Variants in NCAM2 observed in about 807,000 individuals in gnomAD.
NCAM2 encodes neural cell adhesion molecule 2.
Under a neutral mutation model 98.1 loss-of-function variants are expected in NCAM2, and 30 were observed. The observed-to-expected ratio is 0.31, with a 90% CI of 0.23 to 0.41. The LOEUF is 0.41. Among genes scored for constraint, NCAM2 ranks in the 10% least tolerant of loss-of-function variants. NCAM2 has a pLI of 1.00. For synonymous variants in NCAM2, 368 were observed against 342.4 expected (o/e 1.07, Z -0.83); for missense variants, 867 against 1,005.8 (o/e 0.86, Z 1.87).
intron 1 of NCAM2, among the ~76,000 whole-genome samples, chr21:21,106,844 ATTG>A (rs2066359503): frequency 6.6e-6 from 1 of 152,204 alleles, no homozygotes; most frequent in African/African-American, 2.4e-5. Context: ...TGTTTTAAAA[ATTG>A]TTAACATGAT....
intron 1 of NCAM2, among the ~76,000 whole-genome samples, chr21:21,135,882 T>G (rs888354473): frequency 6.6e-6 from 1 of 152,172 alleles, no homozygotes; most frequent in Non-Finnish European, 1.5e-5. Context: ...TCCCAGCCCT[T>G]CCTAGGAGTT....
chr21:21,313,124 C>G (rs1412279101), intron 5 of NCAM2, among the ~76,000 whole-genome samples: 2 of 151,724 alleles, frequency 1.3e-5, no homozygotes, highest in South Asian at 4.1e-4. Context: ...TTTTTTCATC[C>G]TGAGTCTTGC....
intron 1 of NCAM2, among the ~76,000 whole-genome samples, chr21:21,252,273 C>G (rs889855289): frequency 6.9e-4 from 10 of 14,572 alleles, no homozygotes; most frequent in Non-Finnish European, 9.8e-4. Flanking sequence ...TAGAATTATT[C>G]TTAACAAGAT....
At chr21:21,164,438 G>T (rs2146800700) in intron 1 of NCAM2, among the ~76,000 whole-genome samples, 1 of 152,212 alleles carries the variant, frequency 6.6e-6, no homozygotes, top group South Asian at 2.1e-4. Flanking sequence ...CAAGATATTT[G>T]CAAAGAAGAA....
intron 1 of NCAM2, among the ~76,000 whole-genome samples, chr21:21,052,194 G>A (rs1032745258): frequency 8.5e-6 from 1 of 117,164 alleles, no homozygotes; most frequent in African/African-American, 3.6e-5. Context: ...GTCTCGCTCT[G>A]TCGCCCAGGC....
chr21:21,454,935 T>A (rs1489144772), intron 12 of NCAM2, among the ~76,000 whole-genome samples: 1 of 151,966 alleles, frequency 6.6e-6, no homozygotes, highest in Non-Finnish European at 1.5e-5. Flanking sequence ...AGTACCATTA[T>A]TTGCATTCTC....
chr21:21,496,877 C>T (rs947414850), intron 15 of NCAM2, among the ~76,000 whole-genome samples: 14 of 152,120 alleles, frequency 9.2e-5, no homozygotes, highest in African/African-American at 3.4e-4. Context: ...AGAGTTATTT[C>T]CCCCTTACCT....
chr21:21,177,153 A>G (rs1569112354), intron 1 of NCAM2, among the ~76,000 whole-genome samples: 1 of 152,118 alleles, frequency 6.6e-6, no homozygotes, highest in Non-Finnish European at 1.5e-5. Flanking sequence ...TTTTTATTCA[A>G]GAAATCTTTA....
chr21:21,456,838 G>T (rs1196619740), intron 12 of NCAM2, among the ~76,000 whole-genome samples: 1 of 152,128 alleles, frequency 6.6e-6, no homozygotes, highest in Non-Finnish European at 1.5e-5. Flanking sequence ...CTACATCTAT[G>T]TGAGGGTGGA....
chr21:21,193,837 A>G (rs2068910138), intron 1 of NCAM2, among the ~76,000 whole-genome samples: 1 of 152,082 alleles, frequency 6.6e-6, no homozygotes, highest in Non-Finnish European at 1.5e-5. Flanking sequence ...CTATTGAGAA[A>G]TTCCCAACAT....
At chr21:21,064,905 C>T (rs1284774280) in intron 1 of NCAM2, among the ~76,000 whole-genome samples, 4 of 152,066 alleles carry the variant, frequency 2.6e-5, no homozygotes, top group African/African-American at 7.2e-5. Context: ...CAAGGGTGGG[C>T]GCAGTGGCTC....
At chr21:21,070,919 A>G (rs2146363179) in intron 1 of NCAM2, among the ~76,000 whole-genome samples, 1 of 152,318 alleles carries the variant, frequency 6.6e-6, no homozygotes, top group Non-Finnish European at 1.5e-5. Context: ...ATAATTTGAA[A>G]TGCCTCTAGG....
At chr21:21,247,233 G>A (rs1384064427) in intron 1 of NCAM2, among the ~76,000 whole-genome samples, 1 of 151,976 alleles carries the variant, frequency 6.6e-6, no homozygotes, top group Non-Finnish European at 1.5e-5. Flanking sequence ...GCAGGAGAAT[G>A]GCGTGAACCC....
At chr21:21,193,947 A>T (rs2068915146) in intron 1 of NCAM2, among the ~76,000 whole-genome samples, 1 of 152,172 alleles carries the variant, frequency 6.6e-6, no homozygotes, top group Non-Finnish European at 1.5e-5. Context: ...AATCTTGATG[A>T]TACTTTTTTA....
intron 9 of NCAM2, among the ~76,000 whole-genome samples, chr21:21,409,653 A>G (rs1406654264): frequency 9.2e-5 from 14 of 152,226 alleles, no homozygotes; most frequent in Admixed American, 9.2e-4. Context: ...TCATTAACAT[A>G]GTCAATATGT....
intron 16 of NCAM2, among the ~76,000 whole-genome samples, chr21:21,519,165 GTAT>G (rs1246328819): frequency 6.6e-6 from 1 of 152,078 alleles, no homozygotes; most frequent in Non-Finnish European, 1.5e-5. Context: ...AGGGGCCAAA[GTAT>G]TATTCCATCT....
chr21:21,049,087 C>T (rs1391900004), intron 1 of NCAM2, among the ~76,000 whole-genome samples: 4 of 143,558 alleles, frequency 2.8e-5, no homozygotes, highest in East Asian at 2.0e-4. Flanking sequence ...GGCGCAATCT[C>T]GGCTCACTGC....
intron 8 of NCAM2, among the ~76,000 whole-genome samples, chr21:21,355,557 G>C (rs1031072498): frequency 4.6e-5 from 7 of 150,538 alleles, no homozygotes; most frequent in African/African-American, 1.7e-4. Context: ...AGGGACGGAG[G>C]AAAGAAGGAA....
At chr21:21,255,478 G>T (rs1179816241) in intron 1 of NCAM2, among the ~76,000 whole-genome samples, 6 of 152,176 alleles carry the variant, frequency 3.9e-5, no homozygotes, top group Non-Finnish European at 5.9e-5. Context: ...TCATTATACT[G>T]TATCCTTTAG....
Sources: allele counts gnomAD v4.1 joint callset (sites outside exome capture counted in the v4.1 genomes callset), GRCh38; gene constraint gnomAD v4.1.1; transcripts MANE v1.5; gene names NCBI Gene and HGNC (gene_info 2026-07-23, HGNC 2026-07-21).